Variants in CFB observed in about 807,000 individuals in gnomAD.
CFB encodes B-factor, properdin.
In CFB, 59 loss-of-function variants were observed where a neutral mutation model predicts 97.2. The ratio of observed to expected loss-of-function variants is 0.61; its 90% CI spans 0.49 to 0.75. The LOEUF (loss-of-function observed/expected upper bound fraction) is 0.75. Among genes scored for constraint, CFB ranks in the 30% least tolerant of loss-of-function variants. The pLI is 0.00. For synonymous variants in CFB, 316 were observed against 351.7 expected, an observed-to-expected ratio of 0.90 and a Z score of 1.14; for missense variants, 771 against 959.8, an observed-to-expected ratio of 0.80 and a Z score of 2.60.
Position 31,949,447 on chromosome 6 carries a change from T to G in CFB, c.1298T>G (p.Leu433Trp). The G allele has an allele frequency of 6.2e-7, 1 of 1,614,210 alleles. No individual in the cohort carries two copies. Among genetic ancestry groups the G allele is most frequent in the Non-Finnish European group, 8.5e-7 (1 of 1,180,042 alleles). ...LDVYVFGVGP[L>W]VNQVNINALA... Reference sequence around the variant, plus strand: ...GTCTATGTGTTTGGGGTCGGGCCTTTGGTGAACCAAGTGAACATCAATGCT... The same window carrying G: ...GTCTATGTGTTTGGGGTCGGGCCTTGGGTGAACCAAGTGAACATCAATGCT... Residue 433 changes from leucine (L) to tryptophan (W), a missense_variant, in exon 10 of 18, where the codon TTG (leucine) becomes TGG (tryptophan). By Grantham distance (61) the Leu-to-Trp change is moderately conservative (BLOSUM62 -2). Transcript: ENST00000425368.
chr6:31,950,786 G>A lies in CFB; in HGVS notation c.1778+14G>A. The A allele has an allele frequency of 6.2e-7, 1 of 1,613,086 alleles. No individual in the cohort carries two copies. The highest frequency in any genetic ancestry group is 1.3e-5 in the African/African-American group (1 of 75,046). ...CCAGACTATCAGGTGAGAGCGTCCAGATCCCTGAGGAAAGGCTGGGAAAGG... is the reference window on the plus strand; with the variant it reads ...CCAGACTATCAGGTGAGAGCGTCCAAATCCCTGAGGAAAGGCTGGGAAAGG... On this transcript the variant is annotated intron_variant, in intron 13 of 17. Coordinates refer to ENST00000425368, the MANE Select transcript of CFB (RefSeq NM_001710.6).
rs1035503477 is a variant in CFB at position 31,951,696 on chromosome 6, G to A, written c.2139+92G>A. On this transcript the variant is annotated intron_variant, in intron 17 of 17. Transcript: ENST00000425368. This position sits in a 1 kb window ranked among gnomAD's most constrained non-coding sequence, Gnocchi z 4.3. ...TCAATGCATGTGGCTAGTAATTCGA[G>A]GTAGGCAGAGCCTGCCTCACCTTAG... is the stretch of plus-strand genomic sequence containing the variant. The A allele has an allele frequency of 5.0e-6, 8 of 1,587,926 alleles. No individual in the cohort carries two copies. The African/African-American group carries it at 5.4e-5, about 11-fold the overall frequency.
chr6:31,949,697 T>TA, intron 10 of CFB, 140 bp downstream of exon 10: 3 of 1,057,694 alleles, frequency 2.8e-6, no homozygotes, highest in South Asian at 1.4e-5. Context: ...TCACTATTCT[T>TA]GTTTCCTGGC....
rs955266386 is a variant in CFB at position 31,946,822 on chromosome 6, G to C, written c.299-185G>C. The C allele has an allele frequency of 1.3e-6, 1 of 789,408 alleles. No homozygotes were observed. The highest frequency in any genetic ancestry group is 2.1e-6 in the Non-Finnish European group (1 of 467,842). 48.9% of individuals were successfully genotyped at this position (789,408 alleles called of 1,614,324 possible). On this transcript the variant is annotated intron_variant, in intron 2 of 17. Transcript: ENST00000425368. This position sits in a 1 kb window ranked among gnomAD's most constrained non-coding sequence, Gnocchi z 6.4. ...TTCCAGGCAGCCCTGGAAGTCAAGA[G>C]AACACTCAGAAATGGGGAGGGAGAA...
chr6:31,950,486 C>T (rs972786719), intron 12 of CFB, 83 bp downstream of exon 12: 6 of 1,559,514 alleles, frequency 3.8e-6, no homozygotes, highest in Non-Finnish European at 5.3e-6. Context: ...TACACTCCAC[C>T]CATCCTCAAT....
chr6:31,946,289 A>G lies in CFB; in HGVS notation c.64+4A>G. 1.2e-6 allele frequency: 2 copies of G among 1,613,058 alleles called. No individual in the cohort carries two copies. Among genetic ancestry groups the G allele is most frequent in the Non-Finnish European group, 1.7e-6 (2 of 1,180,014 alleles). ...ATCTTGGGCCTCTTGTCTGGAGGTA[A>G]GCGAGGGTAACCTTCCCTTCCTGCT... On this transcript the variant is annotated splice_donor_region_variant and intron_variant, in intron 1 of 17. Transcript: ENST00000425368. The surrounding 1 kb of genome is among the most constrained non-coding windows in gnomAD (Gnocchi z 6.4).
rs543445589 is a variant in CFB at position 31,947,679 on chromosome 6, G to A, written c.659-63G>A. On this transcript the variant is annotated intron_variant, in intron 4 of 17. Coordinates refer to ENST00000425368, the MANE Select transcript of CFB (RefSeq NM_001710.6). The surrounding 1 kb of genome is among the most constrained non-coding windows in gnomAD (Gnocchi z 5.3). ...ATACCCTGGAAACCCATGATCCCCC[G>A]TCTCTTTGGTCACTGTATCCCTGAC... 3.1e-5 allele frequency: 49 copies of A among 1,587,696 alleles called. No homozygotes were observed. Among genetic ancestry groups the A allele is most frequent in the African/African-American group, 8.1e-5 (6 of 74,448 alleles).
chr6:31,951,551 G>T lies in CFB; in HGVS notation c.2090-4G>T. Reference sequence around the variant, plus strand: ...TTTCTCTACAGCTTCTCCTCTCCTTGCAGGTGATTCTGGCGGCCCCTTGAT... The same window carrying T: ...TTTCTCTACAGCTTCTCCTCTCCTTTCAGGTGATTCTGGCGGCCCCTTGAT... On this transcript the variant is annotated splice_region_variant and splice_polypyrimidine_tract_variant and intron_variant, in intron 16 of 17. Coordinates refer to ENST00000425368, the MANE Select transcript of CFB (RefSeq NM_001710.6). The surrounding 1 kb of genome is among the most constrained non-coding windows in gnomAD (Gnocchi z 4.3). 1 of 1,614,160 alleles carries T rather than the reference G, an allele frequency of 6.2e-7. No individual in the cohort carries two copies. The highest frequency in any genetic ancestry group is 8.5e-7 in the Non-Finnish European group (1 of 1,180,026).
chr6:31,950,340 G>C lies in CFB; in HGVS notation c.1561G>C (p.Val521Leu), dbSNP rs1377745724. 6.2e-7 allele frequency: 1 copy of C among 1,612,992 alleles called. No homozygotes were observed. Among genetic ancestry groups the C allele is most frequent in the East Asian group, 2.2e-5 (1 of 44,896 alleles). Reference protein sequence around the residue: ...CMGAVVSEYFVLTAAHCFTVD... With the variant: ...CMGAVVSEYFLLTAAHCFTVD... ...GGGGGCTGTGGTGTCTGAGTACTTTGTGCTGACAGCAGCACATTGTTTCAC... is the reference window on the plus strand; with the variant it reads ...GGGGGCTGTGGTGTCTGAGTACTTTCTGCTGACAGCAGCACATTGTTTCAC... Residue 521 changes from valine (V) to leucine (L), a missense_variant, in exon 12 of 18, where the codon GTG (valine) becomes CTG (leucine). Physicochemically the swap from Val to Leu is conservative, Grantham distance 32. Transcript: ENST00000425368.
rs1771732600 is a variant in CFB at position 31,951,099 on chromosome 6, T to C, written c.1856-45T>C. 2 of 1,601,054 alleles carry C rather than the reference T, an allele frequency of 1.2e-6. No individual in the cohort carries two copies. The highest frequency in any genetic ancestry group is 1.7e-6 in the Non-Finnish European group (2 of 1,169,658). ...CTGAGTGACAAAGGCAATGGGGAGA[T>C]GACAGTGGTGGGAGCAGCTGAAGTG... On this transcript the variant is annotated intron_variant, in intron 14 of 17. Coordinates refer to ENST00000425368, the MANE Select transcript of CFB (RefSeq NM_001710.6). The surrounding 1 kb of genome is among the most constrained non-coding windows in gnomAD (Gnocchi z 4.3).
In CFB at chr6:31,950,713, T is replaced by G; in HGVS notation, c.1719T>G (p.Tyr573Ter). ...AAGAAGCAGGAATTCCTGAATTTTA[T>G]GACTATGACGTTGCCCTGATCAAGC... is the stretch of plus-strand genomic sequence containing the variant. The part of the protein sequence containing the change: ...GKKEAGIPEF[Y>*]DYDVALIKLK... Residue 573 changes from tyrosine to a stop codon, truncating the protein, a stop_gained, in exon 13 of 18, where the codon TAT (tyrosine) becomes TAG (stop). Coordinates refer to ENST00000425368, the MANE Select transcript of CFB (RefSeq NM_001710.6). LOFTEE classifies it high-confidence loss of function. 6.2e-7 allele frequency: 1 copy of G among 1,613,078 alleles called. No individual in the cohort carries two copies. The highest frequency in any genetic ancestry group is 8.5e-7 in the Non-Finnish European group (1 of 1,180,038).
chr6:31,951,396 A>G lies in CFB; in HGVS notation c.2012A>G (p.Asp671Gly), dbSNP rs753555408. The G allele has an allele frequency of 1.2e-6, 2 of 1,614,168 alleles. No individual in the cohort carries two copies. Among genetic ancestry groups the G allele is most frequent in the Admixed American group, 3.3e-5 (2 of 60,026 alleles). Residue 671 changes from aspartate (D) to glycine (G), a missense_variant, in exon 16 of 18, where the codon GAC becomes GGC. By Grantham distance (94) the Asp-to-Gly change is moderately conservative. Transcript: ENST00000425368. The surrounding 1 kb of genome is among the most constrained non-coding windows in gnomAD (Gnocchi z 4.3). Reference protein sequence around the residue: ...QYAPGYDKVKDISEVVTPRFL... With the variant: ...QYAPGYDKVKGISEVVTPRFL... ...GCCCCAGGCTATGACAAAGTCAAGG[A>G]CATCTCAGAGGTGGTCACCCCTCGG...
chr6:31,950,097 A>C lies in CFB; in HGVS notation c.1456A>C (p.Lys486Gln), dbSNP rs1341200615. Residue 486 changes from lysine (K) to glutamine (Q), a missense_variant, in exon 11 of 18, where the codon AAG becomes CAG. Coordinates refer to ENST00000425368, the MANE Select transcript of CFB (RefSeq NM_001710.6). ...SLCGMVWEHR[K>Q]GTDYHKQPWQ... The stretch of plus-strand genomic sequence containing the variant: ...CTGTGGCATGGTTTGGGAACACAGG[A>C]AGGGTACCGATTACCACAAGCAACC... 1.2e-6 allele frequency: 2 copies of C among 1,613,064 alleles called. No homozygotes were observed. Among genetic ancestry groups the C allele is most frequent in the Admixed American group, 1.7e-5 (1 of 60,026 alleles).
At position 31,951,711 on chromosome 6, in the gene CFB, C is replaced by T; in HGVS notation, c.2139+107C>T. ...AGTAATTCGAGGTAGGCAGAGCCTG[C>T]CTCACCTTAGGACCGCATGTCTTGC... On this transcript the variant is annotated intron_variant, in intron 17 of 17. Transcript: ENST00000425368. This position sits in a 1 kb window ranked among gnomAD's most constrained non-coding sequence, Gnocchi z 4.3. The T allele has an allele frequency of 6.4e-7, 1 of 1,573,124 alleles. No individual in the cohort carries two copies. Among genetic ancestry groups the T allele is most frequent in the Non-Finnish European group, 8.7e-7 (1 of 1,143,074 alleles).
rs764379802 is a variant in CFB at position 31,946,344 on chromosome 6, G to A, written c.65-29G>A. ...CCAGCATCCCTCCTTGGCCTTTTGGGGCCAGGCTTCATCAGCCTTTCTCTT... is the reference window on the plus strand; with the variant it reads ...CCAGCATCCCTCCTTGGCCTTTTGGAGCCAGGCTTCATCAGCCTTTCTCTT... On this transcript the variant is annotated intron_variant, in intron 1 of 17. Coordinates refer to ENST00000425368, the MANE Select transcript of CFB (RefSeq NM_001710.6). The surrounding 1 kb of genome is among the most constrained non-coding windows in gnomAD (Gnocchi z 6.4). The A allele has an allele frequency of 6.2e-7, 1 of 1,613,000 alleles. No homozygotes were observed. Among genetic ancestry groups the A allele is most frequent in the South Asian group, 1.1e-5 (1 of 91,088 alleles).
Position 31,946,157 on chromosome 6 carries a change from A to G in CFB, c.-65A>G, listed in dbSNP as rs1771407289. On this transcript the variant is annotated 5_prime_UTR_variant, in exon 1 of 18. Transcript: ENST00000425368. This position sits in a 1 kb window ranked among gnomAD's most constrained non-coding sequence, Gnocchi z 6.4. ...AGCTTGGACACTGAGCCAAGCAGACAAGCAAAGCAAGCCAGGACACACCAT... is the reference window on the plus strand; with the variant it reads ...AGCTTGGACACTGAGCCAAGCAGACGAGCAAAGCAAGCCAGGACACACCAT... The G allele has an allele frequency of 3.2e-6, 5 of 1,564,152 alleles. No homozygotes were observed. The highest frequency in any genetic ancestry group is 3.5e-6 in the Non-Finnish European group (4 of 1,135,914).
intron 8 of CFB, 126 bp from the exon 9 acceptor site, chr6:31,949,117 T>C (rs957692072): frequency 7.0e-7 from 1 of 1,428,752 alleles, no homozygotes; most frequent in East Asian, 2.4e-5. Flanking sequence ...TAAGGAATTC[T>C]TCCTAAGCCC....
chr6:31,949,162 C>T (rs1319749382), intron 8 of CFB, 81 bp from the exon 9 acceptor site: 3 of 1,491,024 alleles, frequency 2.0e-6, no homozygotes, highest in African/African-American at 1.4e-5. Context: ...CCTCAACTTG[C>T]TCACCCTGCC....
At position 31,946,558 on chromosome 6, in the gene CFB, A is replaced by G. The variant is rs1362979878; in HGVS notation, c.250A>G (p.Thr84Ala). The G allele has an allele frequency of 1.9e-6, 3 of 1,612,538 alleles. No homozygotes were observed. The highest frequency in any genetic ancestry group is 2.2e-5 in the South Asian group (2 of 91,084). Residue 84 changes from threonine to alanine, a missense_variant, in exon 2 of 18, where the codon ACC (threonine) becomes GCC (alanine). Thr to Ala is a moderately conservative substitution (Grantham distance 58). Coordinates refer to ENST00000425368, the MANE Select transcript of CFB (RefSeq NM_001710.6). The surrounding 1 kb of genome is among the most constrained non-coding windows in gnomAD (Gnocchi z 6.4). The stretch of plus-strand genomic sequence containing the variant: ...CTGCAGATCTACGGGGTCCTGGAGC[A>G]CCCTGAAGACTCAAGACCAAAAGAC... ...RTCRSTGSWS[T>A]LKTQDQKTVR...
Sources: allele counts gnomAD v4.1 joint callset, GRCh38; gene constraint gnomAD v4.1.1; non-coding constraint Gnocchi (gnomAD v3.1); transcripts MANE v1.5; gene names NCBI Gene and HGNC (gene_info 2026-07-23, HGNC 2026-07-21).